The following MAP1B variants were observed in gnomAD, a reference collection of about 807,000 sequenced individuals.
MAP1B encodes the protein microtubule-associated protein 1B.
A neutral mutation model predicts 176.1 loss-of-function variants in MAP1B; 12 were observed. That is an observed-to-expected ratio of 0.07 (90% CI 0.04 to 0.11). The LOEUF (loss-of-function observed/expected upper bound fraction) is 0.11. Among genes scored for constraint, MAP1B ranks in the 10% least tolerant of loss-of-function variants. The pLI, the probability that MAP1B is intolerant of heterozygous loss-of-function variation, is 1.00. For missense variants in MAP1B, 2,523 were observed against 2,990.5 expected (o/e 0.84, Z 3.65); for synonymous variants, 1,044 against 1,135.0 (o/e 0.92, Z 1.61).
rs1424116163 is a variant in MAP1B, at chr5:72,207,998, TG to T, written c.*2762del. ...TTTTTTTTTTTGCTATGGGATTTAA[TG>T]GGAAAAATATGTAAAAACTGTCACT... is the stretch of plus-strand genomic sequence containing the variant. On this transcript the variant is annotated 3_prime_UTR_variant, in exon 7 of 7. Coordinates refer to ENST00000296755, the MANE Select transcript of MAP1B (RefSeq NM_005909.5). 1 of 142,624 alleles carries T rather than the reference TG, an allele frequency of 7.0e-6. No individual in the cohort carries two copies. The highest frequency in any genetic ancestry group is 2.6e-5 in the African/African-American group (1 of 37,996). 8.8% of individuals were successfully genotyped at this position (142,624 alleles called of 1,614,324 possible). A position where few individuals can be genotyped will look rare whatever the true frequency, so the allele number is the denominator to read the frequency against.
chr5:72,116,111 A>G, intron 2 of MAP1B: 1 of 329,122 alleles, frequency 3.0e-6, no homozygotes. Flanking sequence ...AGAAAGAGAG[A>G]GAGAGAAAGA....
intron 2 of MAP1B, among the ~76,000 whole-genome samples, chr5:72,163,549 C>T (rs1746365870): frequency 6.6e-6 from 1 of 152,176 alleles, no homozygotes; most frequent in Admixed American, 6.5e-5. Context: ...GATTAGGAAT[C>T]AGATACTTTT....
rs115385475 is a variant in MAP1B at position 72,124,545 on chromosome 5, G to A, written c.286+8746G>A. Among the ~76,000 whole-genome samples, 650 of 152,204 alleles carry A rather than the reference G, an allele frequency of 4.3e-3. 3 individuals are homozygous for A. Among genetic ancestry groups the A allele is most frequent in the African/African-American group, 0.015 (627 of 41,536 alleles). On this transcript the variant is annotated intron_variant, in intron 2 of 6. Coordinates refer to ENST00000296755, the MANE Select transcript of MAP1B (RefSeq NM_005909.5). Reference sequence around the variant, plus strand: ...TGTGGCTCCTCTCTGCAGTTGTACCGCACCTCATTTGAAACACTCAAGCTG... The same window carrying A: ...TGTGGCTCCTCTCTGCAGTTGTACCACACCTCATTTGAAACACTCAAGCTG...
Position 72,119,558 on chromosome 5 carries a change from A to C in MAP1B, c.286+3759A>C, listed in dbSNP as rs556663388. 9.8e-5 allele frequency among the ~76,000 whole-genome samples: 15 copies of C among 152,298 alleles called. No homozygotes were observed. In the South Asian group the frequency reaches 3.1e-3, roughly 32 times the overall value. ...TTAGCTATGTCATCGCCCAGGCTGGAGTGCAGTGGTGCAATCTTGGCTCAC... is the reference window on the plus strand; with the variant it reads ...TTAGCTATGTCATCGCCCAGGCTGGCGTGCAGTGGTGCAATCTTGGCTCAC... On this transcript the variant is annotated intron_variant, in intron 2 of 6. Transcript: ENST00000296755.
At position 72,124,534 on chromosome 5, in the gene MAP1B, G is replaced by T. The variant is rs190372062; in HGVS notation, c.286+8735G>T. ...GTTTTATTGAATGTGGCTCCTCTCTGCAGTTGTACCGCACCTCATTTGAAA... is the reference window on the plus strand; with the variant it reads ...GTTTTATTGAATGTGGCTCCTCTCTTCAGTTGTACCGCACCTCATTTGAAA... On this transcript the variant is annotated intron_variant, in intron 2 of 6. Coordinates refer to ENST00000296755, the MANE Select transcript of MAP1B (RefSeq NM_005909.5). 2.7e-3 allele frequency among the ~76,000 whole-genome samples: 415 copies of T among 152,268 alleles called. 1 individual carries two copies. Among genetic ancestry groups the T allele is most frequent in the African/African-American group, 9.7e-3 (405 of 41,552 alleles).
chr5:72,134,370 C>T (rs774762210), intron 2 of MAP1B, among the ~76,000 whole-genome samples: 18 of 152,290 alleles, frequency 1.2e-4, no homozygotes, highest in East Asian at 5.8e-4. Context: ...CTGCACCTCA[C>T]GGCCACCTCC....
intron 2 of MAP1B, among the ~76,000 whole-genome samples, chr5:72,136,583 G>A (rs891626410): frequency 6.6e-6 from 1 of 152,074 alleles, no homozygotes; most frequent in African/African-American, 2.4e-5. Context: ...GGAAAAGGGG[G>A]ACATTCTCAG....
chr5:72,180,761 C>T (rs140184211), intron 2 of MAP1B, among the ~76,000 whole-genome samples: 5 of 152,246 alleles, frequency 3.3e-5, no homozygotes, highest in East Asian at 1.9e-4. Context: ...ATTCTGCCAC[C>T]GTTGCCTTTT....
rs141187103 is a variant in MAP1B, at chr5:72,196,779, G to A, written c.3424G>A (p.Val1142Met). Residue 1142 changes from valine (V) to methionine (M), a missense_variant, in exon 5 of 7, where the codon GTG becomes ATG. Transcript: ENST00000296755. This position sits in a 1 kb window ranked among gnomAD's most constrained non-coding sequence, Gnocchi z 5.3. ...PMDEMSTPRD[V>M]MSDETNNEET... The stretch of plus-strand genomic sequence containing the variant: ...GGATGAGATGTCTACCCCTCGAGAC[G>A]TGATGAGTGATGAGACCAACAATGA... 8.7e-6 allele frequency: 14 copies of A among 1,613,986 alleles called. No individual in the cohort carries two copies. In the African/African-American group the frequency reaches 1.3e-4, roughly 15 times the overall value.
chr5:72,110,039 GA>G (rs1745296615), intron 1 of MAP1B, among the ~76,000 whole-genome samples: 1 of 152,156 alleles, frequency 6.6e-6, no homozygotes, highest in South Asian at 2.1e-4. Context: ...AGCACTTAGT[GA>G]CAAAATTCAG....
intron 2 of MAP1B, among the ~76,000 whole-genome samples, chr5:72,130,577 G>A (rs996807040): frequency 1.3e-5 from 2 of 152,158 alleles, no homozygotes; most frequent in Non-Finnish European, 2.9e-5. Context: ...TAAACATTAA[G>A]ATGTGGTAAA....
intron 1 of MAP1B, 48 bp downstream of exon 1, chr5:72,107,763 C>A: frequency 6.3e-7 from 1 of 1,586,272 alleles, no homozygotes; most frequent in Non-Finnish European, 8.5e-7. Context: ...GACGCGCAAA[C>A]ACGACCCCAC....
At chr5:72,182,888 C>T (rs1348403341) in intron 2 of MAP1B, among the ~76,000 whole-genome samples, 1 of 152,176 alleles carries the variant, frequency 6.6e-6, no homozygotes, top group Non-Finnish European at 1.5e-5. Context: ...CACACATCTG[C>T]CTGATCATTT....
intron 1 of MAP1B, 66 bp from the exon 2 acceptor site, chr5:72,115,632 T>A: frequency 1.1e-6 from 1 of 874,142 alleles, no homozygotes; most frequent in Non-Finnish European, 2.0e-6. Context: ...ATTACAGTGA[T>A]GTTGTCCAAA....
chr5:72,203,886 C>G (rs1467049802), intron 6 of MAP1B, 85 bp downstream of exon 6: 3 of 1,263,800 alleles, frequency 2.4e-6, no homozygotes, highest in Non-Finnish European at 3.4e-6. Context: ...AGAGGCACCT[C>G]ATGTGGCTGA....
chr5:72,144,519 A>G (rs1378252552), intron 2 of MAP1B, among the ~76,000 whole-genome samples: 1 of 152,112 alleles, frequency 6.6e-6, no homozygotes, highest in Non-Finnish European at 1.5e-5. Context: ...TTAGCCTACA[A>G]AGTAGCTAGG....
At chr5:72,150,269 C>T (rs959033728) in intron 2 of MAP1B, among the ~76,000 whole-genome samples, 1 of 152,104 alleles carries the variant, frequency 6.6e-6, no homozygotes, top group Admixed American at 6.6e-5. Context: ...TATTTTATAC[C>T]GTTATTACTC....
rs539380573 is a variant in MAP1B at position 72,174,664 on chromosome 5, G to A, written c.287-9079G>A. Among the ~76,000 whole-genome samples the A allele has an allele frequency of 3.3e-4, 50 of 152,170 alleles. 1 individual carries two copies. The South Asian group carries it at 3.9e-3, about 12-fold the overall frequency. On this transcript the variant is annotated intron_variant, in intron 2 of 6. Transcript: ENST00000296755. ...AGAGGAGGAGACTCCTTTCTTGTGC[G>A]TTGAGGGGCATGTGTATTTTCCTTT... is the stretch of plus-strand genomic sequence containing the variant.
In MAP1B at chr5:72,204,572, G is replaced by A. The variant is rs1747402652; in HGVS notation, c.7252-512G>A. ...AGTGGCTCCCTACTGAATGCTAGAT[G>A]GAATTTATACTATTCAGGACATTAC... is the stretch of plus-strand genomic sequence containing the variant. On this transcript the variant is annotated intron_variant, in intron 6 of 6. Transcript: ENST00000296755. The surrounding 1 kb of genome is among the most constrained non-coding windows in gnomAD (Gnocchi z 4.4). Among the ~76,000 whole-genome samples the A allele has an allele frequency of 1.3e-5, 2 of 152,266 alleles. No individual in the cohort carries two copies. Among genetic ancestry groups the A allele is most frequent in the South Asian group, 4.1e-4 (2 of 4,822 alleles).
Sources: allele counts gnomAD v4.1 joint callset (sites outside exome capture counted in the v4.1 genomes callset), GRCh38; gene constraint gnomAD v4.1.1; non-coding constraint Gnocchi (gnomAD v3.1); transcripts MANE v1.5; gene names NCBI Gene and HGNC (gene_info 2026-07-23, HGNC 2026-07-21).